Variants in NEURL1 observed in about 807,000 individuals in gnomAD.
NEURL1 encodes E3 ubiquitin-protein ligase NEURL1.
NEURL1 carries 26 observed loss-of-function variants against 41.2 expected under a neutral mutation model. The ratio of observed to expected loss-of-function variants is 0.63; its 90% CI spans 0.46 to 0.87. NEURL1 has a LOEUF of 0.87. Ranked by LOEUF, NEURL1 falls within the 40% of genes least tolerant of loss-of-function variation. The pLI is 0.00. For missense variants in NEURL1, 761 were observed against 871.1 expected (o/e 0.87, Z 1.59); for synonymous variants, 400 against 402.3 (o/e 0.99, Z 0.07).
rs370577874 is a variant in NEURL1, at chr10:103,533,661, T to C, written c.86-37211T>C. The stretch of plus-strand genomic sequence containing the variant: ...ACACCATTCTCCTGCCTCAGCCTCC[T>C]GAGTAGCTGGGACTACAGGCGCCCG... On this transcript the variant is annotated intron_variant, in intron 1 of 5. Transcript: ENST00000369780. Among the ~76,000 whole-genome samples the C allele has an allele frequency of 1.1e-3, 174 of 152,216 alleles. 1 individual carries two copies. The highest frequency in any genetic ancestry group is 1.5e-3 in the Non-Finnish European group (104 of 68,006).
At position 103,548,015 on chromosome 10, in the gene NEURL1, C is replaced by A. The variant is rs1430834327; in HGVS notation, c.86-22857C>A. Among the ~76,000 whole-genome samples the A allele has an allele frequency of 3.3e-5, 5 of 152,164 alleles. No homozygotes were observed. In the South Asian group the frequency reaches 8.3e-4, roughly 25 times the overall value. ...CCCATCCAGGTTCTGGTGTAGGGAG[C>A]AAATCTTATGTATTCAGACCCTGCT... is the stretch of plus-strand genomic sequence containing the variant. On this transcript the variant is annotated intron_variant, in intron 1 of 5. Transcript: ENST00000369780.
chr10:103,572,742 A>G (rs1390495910), intron 3 of NEURL1, among the ~76,000 whole-genome samples: 3 of 152,198 alleles, frequency 2.0e-5, no homozygotes, highest in African/African-American at 7.2e-5. Flanking sequence ...GTGCGCACAC[A>G]TAGACTCTGG....
Position 103,545,484 on chromosome 10 carries a change from C to A in NEURL1, c.86-25388C>A, listed in dbSNP as rs1430994667. 6.6e-6 allele frequency among the ~76,000 whole-genome samples: 1 copy of A among 152,160 alleles called. No individual in the cohort carries two copies. Among genetic ancestry groups the A allele is most frequent in the African/African-American group, 2.4e-5 (1 of 41,434 alleles). On this transcript the variant is annotated intron_variant, in intron 1 of 5. Coordinates refer to ENST00000369780, the MANE Select transcript of NEURL1 (RefSeq NM_004210.5). The surrounding 1 kb of genome is among the most constrained non-coding windows in gnomAD (Gnocchi z 4.5). ...TCCTGGACTCAGTGGGGATGAGAGC[C>A]ACTGGCCTTTCCTGAGAGGCACTGC...
intron 1 of NEURL1, among the ~76,000 whole-genome samples, chr10:103,513,153 C>G (rs1400582235): frequency 6.6e-6 from 1 of 152,184 alleles, no homozygotes; most frequent in Non-Finnish European, 1.5e-5. Context: ...CAGCAGCCCT[C>G]CCTGGCAGCC....
At position 103,584,779 on chromosome 10, in the gene NEURL1, C is replaced by A. The variant is rs2035867635; in HGVS notation, c.893C>A (p.Ala298Asp). The A allele has an allele frequency of 5.5e-6, 8 of 1,441,960 alleles. No homozygotes were observed. The highest frequency in any genetic ancestry group is 3.1e-5 in the East Asian group (1 of 32,662). 89.3% of individuals were successfully genotyped at this position (1,441,960 alleles called of 1,614,324 possible). A position where few individuals can be genotyped will look rare whatever the true frequency, so the allele number is the denominator to read the frequency against. Residue 298 changes from alanine (A) to aspartate (D), a missense_variant, in exon 4 of 6, where the codon GCC becomes GAC. By Grantham distance (126) the Ala-to-Asp change is moderately radical. Around this residue, in one of 5 missense-constraint regions of NEURL1, gnomAD observed 443 missense variants for 408.1 expected, o/e 1.09. Transcript: ENST00000369780. ...AQLDGDLRFH[A>D]LRAGAHVRIL... ...CTCGACGGCGACCTGCGTTTCCACG[C>A]CCTGCGCGCCGGCGCGCACGTCCGC...
chr10:103,532,024 C>T (rs2034583606), intron 1 of NEURL1, among the ~76,000 whole-genome samples: 1 of 152,138 alleles, frequency 6.6e-6, no homozygotes, highest in African/African-American at 2.4e-5. Context: ...ATTTTGGTTT[C>T]TGTTTGCATG....
chr10:103,494,582 C>CGTGTCT, intron 1 of NEURL1, 110 bp downstream of exon 1: 1 of 956,092 alleles, frequency 1.0e-6, no homozygotes, highest in Non-Finnish European at 1.5e-6. Context: ...GTCTGGAGGC[C>CGTGTCT]GGAGATGCAC....
intron 4 of NEURL1, among the ~76,000 whole-genome samples, chr10:103,586,829 G>A (rs2035934282): frequency 6.6e-6 from 1 of 152,144 alleles, no homozygotes; most frequent in African/African-American, 2.4e-5. Context: ...CAGATGTATT[G>A]CTTGAGGCCA....
rs1225615558 is a variant in NEURL1 at position 103,511,547 on chromosome 10, C to T, written c.85+17075C>T. On this transcript the variant is annotated intron_variant, in intron 1 of 5. Transcript: ENST00000369780. ...TGGCTCCCTGGGCCTCAAAGCTTAA[C>T]TTCTCCATGTCCTAATTCCTTATTT... 3.9e-5 allele frequency among the ~76,000 whole-genome samples: 6 copies of T among 152,260 alleles called. No homozygotes were observed. In the East Asian group the frequency reaches 9.6e-4, roughly 24 times the overall value.
chr10:103,524,793 C>A (rs2034427907), intron 1 of NEURL1, among the ~76,000 whole-genome samples: 2 of 152,038 alleles, frequency 1.3e-5, no homozygotes, highest in Non-Finnish European at 2.9e-5. Flanking sequence ...CTATTCTGTT[C>A]CATTGGTCTA....
At chr10:103,584,265 G>A (rs537488475) in intron 3 of NEURL1, among the ~76,000 whole-genome samples, 1 of 152,314 alleles carries the variant, frequency 6.6e-6, no homozygotes, top group South Asian at 2.1e-4. Context: ...AAATGAGGAA[G>A]TACACATATG....
intron 1 of NEURL1, among the ~76,000 whole-genome samples, chr10:103,501,880 C>G (rs956598759): frequency 3.3e-5 from 5 of 152,048 alleles, no homozygotes; most frequent in African/African-American, 1.2e-4. Context: ...GAGGTCTGCC[C>G]GTCTCGGCCT....
At chr10:103,575,377 C>T (rs1037795540) in intron 3 of NEURL1, among the ~76,000 whole-genome samples, 8 of 152,162 alleles carry the variant, frequency 5.3e-5, no homozygotes, top group Non-Finnish European at 8.8e-5. Flanking sequence ...GGTGACTGTC[C>T]CCCAAACCAA....
chr10:103,588,808 T>C (rs1291743874), intron 4 of NEURL1: 1 of 430,906 alleles, frequency 2.3e-6, no homozygotes, highest in Non-Finnish European at 4.6e-6. Context: ...TAGCTGGGTG[T>C]GGTGGCATGT....
At chr10:103,533,605 T>C (rs1040801046) in intron 1 of NEURL1, among the ~76,000 whole-genome samples, 26 of 151,902 alleles carry the variant, frequency 1.7e-4, no homozygotes, top group African/African-American at 4.1e-4. Flanking sequence ...GGCGCGATCT[T>C]GGCTCACTGC....
intron 3 of NEURL1, among the ~76,000 whole-genome samples, chr10:103,576,702 G>A (rs1166977042): frequency 3.3e-5 from 5 of 152,112 alleles, no homozygotes; most frequent in Non-Finnish European, 7.4e-5. Context: ...GGCTGGGTCC[G>A]GGAGGGTTCT....
rs879770539 is a variant in NEURL1, at chr10:103,508,999, C to A, written c.85+14527C>A. ...TCACCTCCTTAGCACGAGGCTGAGG[C>A]GGGTGGATCACCTGAGGTCAGGAGT... is the stretch of plus-strand genomic sequence containing the variant. On this transcript the variant is annotated intron_variant, in intron 1 of 5. Transcript: ENST00000369780. The surrounding 1 kb of genome is among the most constrained non-coding windows in gnomAD (Gnocchi z 4.3). Among the ~76,000 whole-genome samples the A allele has an allele frequency of 6.6e-6, 1 of 152,108 alleles. No individual in the cohort carries two copies. Among genetic ancestry groups the A allele is most frequent in the Non-Finnish European group, 1.5e-5 (1 of 68,024 alleles).
rs539843351 is a variant in NEURL1 at position 103,557,871 on chromosome 10, ATCTTT to A, written c.86-12984_86-12980del. On this transcript the variant is annotated intron_variant, in intron 1 of 5. Transcript: ENST00000369780. The stretch of plus-strand genomic sequence containing the variant: ...CATTGAAATGGTCCTTGATTGTATT[ATCTTT>A]TCTTTTCTTTTCTTTTTTTTTGAGA... 1.4e-4 allele frequency among the ~76,000 whole-genome samples: 21 copies of A among 152,084 alleles called. No homozygotes were observed. In the South Asian group the frequency reaches 2.3e-3, roughly 17 times the overall value.
intron 1 of NEURL1, among the ~76,000 whole-genome samples, chr10:103,511,230 A>G (rs977687457): frequency 6.6e-6 from 1 of 152,096 alleles, no homozygotes; most frequent in African/African-American, 2.4e-5. Flanking sequence ...AAGAGGGGGA[A>G]CTTTCTCCAC....
Sources: allele counts gnomAD v4.1 joint callset (sites outside exome capture counted in the v4.1 genomes callset), GRCh38; gene constraint gnomAD v4.1.1; regional missense constraint gnomAD v4.1.1; non-coding constraint Gnocchi (gnomAD v3.1); transcripts MANE v1.5; gene names NCBI Gene and HGNC (gene_info 2026-07-23, HGNC 2026-07-21).